Variants in LMLN observed in about 807,000 individuals in gnomAD.
The protein encoded by LMLN is leishmanolysin like peptidase, also known as leishmanolysin-like peptidase.
A neutral mutation model predicts 92.3 loss-of-function variants in LMLN; 70 were observed. That is an observed-to-expected ratio of 0.76 (90% CI 0.63 to 0.92). The LOEUF (loss-of-function observed/expected upper bound fraction) is 0.92, where lower values mean the gene tolerates loss of function less well. Ranked by LOEUF, LMLN falls within the 40% of genes least tolerant of loss-of-function variation. The pLI is 0.00. For synonymous variants in LMLN, 308 were observed against 296.2 expected (o/e 1.04, Z -0.41); for missense variants, 691 against 814.6 (o/e 0.85, Z 1.85).
intron 1 of LMLN, among the ~76,000 whole-genome samples, chr3:197,968,980 A>G (rs1430001393): frequency 1.3e-5 from 2 of 152,210 alleles, no homozygotes; most frequent in African/African-American, 4.8e-5. Context: ...ATTTATGGAC[A>G]TGAAGTTTTT....
At chr3:198,002,878 C>T in intron 11 of LMLN, 137 bp from the exon 12 acceptor site, 1 of 568,012 alleles carries the variant, frequency 1.8e-6, no homozygotes, top group South Asian at 2.4e-5. Context: ...TGAGTGATCA[C>T]TTACAGTGAT....
chr3:198,001,007 A>T (rs1014309975), intron 11 of LMLN, among the ~76,000 whole-genome samples: 2 of 152,114 alleles, frequency 1.3e-5, no homozygotes, highest in African/African-American at 4.8e-5. Flanking sequence ...ACTCACTAAT[A>T]CTCAGAAACT....
At chr3:197,980,271 C>A in intron 5 of LMLN, 55 bp from the exon 6 acceptor site, 1 of 1,425,922 alleles carries the variant, frequency 7.0e-7, no homozygotes, top group Non-Finnish European at 9.7e-7. Context: ...GATTAAATGC[C>A]ACTACAGCTA....
chr3:197,989,266 A>G (rs1721800439), intron 8 of LMLN, among the ~76,000 whole-genome samples: 1 of 152,174 alleles, frequency 6.6e-6, no homozygotes, highest in African/African-American at 2.4e-5. Flanking sequence ...TGCTTTCTGC[A>G]TTGCTATAAA....
exon 10 of LMLN, chr3:197,996,246 C>A (rs776559886): frequency 8.7e-6 from 14 of 1,603,820 alleles, no homozygotes; most frequent in African/African-American, 1.3e-5. Flanking sequence ...GTGGTGTGGG[C>A]ACTGAGCTCA....
chr3:197,989,050 T>G (rs1437913265), intron 8 of LMLN, among the ~76,000 whole-genome samples: 1 of 152,204 alleles, frequency 6.6e-6, no homozygotes, highest in Non-Finnish European at 1.5e-5. Flanking sequence ...ACTATGTCTC[T>G]TGTAGATATA....
chr3:197,990,038 CTTATTTTATTTTATT>C (rs201995486), intron 8 of LMLN, among the ~76,000 whole-genome samples: 3 of 151,588 alleles, frequency 2.0e-5, no homozygotes, highest in Admixed American at 6.6e-5. Context: ...CCATGCCTGG[CTTATTTTATTTTATT>C]TTATTTTATT....
intron 11 of LMLN, among the ~76,000 whole-genome samples, chr3:198,018,847 G>A (rs920510675): frequency 6.6e-6 from 1 of 152,138 alleles, no homozygotes; most frequent in Non-Finnish European, 1.5e-5. Context: ...TTACAGGTTT[G>A]TTTGAAGGTT....
intron 8 of LMLN, among the ~76,000 whole-genome samples, chr3:197,987,260 C>T (rs1478094619): frequency 2.0e-5 from 3 of 151,012 alleles, no homozygotes; most frequent in African/African-American, 4.9e-5. Context: ...CCTGGGTTCA[C>T]GCCATTCTTC....
chr3:198,040,549 T>C (rs1254668764), exon 16 of LMLN: 1 of 150,634 alleles, frequency 6.6e-6, no homozygotes, highest in Non-Finnish European at 1.5e-5. Context: ...TCCATGGCAT[T>C]GTAACCACAA....
At chr3:198,016,362 A>C (rs1412131323) in intron 11 of LMLN, among the ~76,000 whole-genome samples, 2 of 152,116 alleles carry the variant, frequency 1.3e-5, no homozygotes, top group East Asian at 3.9e-4. Context: ...ACCGGCAACC[A>C]CTCTGGGTGT....
At chr3:198,033,038 G>T (rs1288897011) in intron 14 of LMLN, among the ~76,000 whole-genome samples, 1 of 152,146 alleles carries the variant, frequency 6.6e-6, no homozygotes, top group Non-Finnish European at 1.5e-5. Context: ...TTTTGATCCA[G>T]CTTTCCTGAG....
intron 8 of LMLN, among the ~76,000 whole-genome samples, chr3:197,989,945 G>A (rs915401876): frequency 6.6e-6 from 1 of 152,224 alleles, no homozygotes; most frequent in Admixed American, 6.5e-5. Flanking sequence ...TGTGAACATA[G>A]CTCACTGCAG....
chr3:197,990,570 A>G (rs1386663575), exon 9 of LMLN: 24 of 1,473,936 alleles, frequency 1.6e-5, no homozygotes. Context: ...CTGGGATTAT[A>G]TCAATGGAGT....
At chr3:198,014,313 C>T (rs571429317) in intron 11 of LMLN, among the ~76,000 whole-genome samples, 15 of 117,910 alleles carry the variant, frequency 1.3e-4, no homozygotes, top group East Asian at 5.5e-4. Flanking sequence ...GACTTCTCTC[C>T]ACCCTTCAGA....
chr3:197,968,311 A>T (rs867828012), intron 1 of LMLN, among the ~76,000 whole-genome samples: 4 of 152,084 alleles, frequency 2.6e-5, no homozygotes, highest in Non-Finnish European at 4.4e-5. Context: ...CTAAAAATAA[A>T]AAAAAAAAAT....
At chr3:197,987,158 A>ATTTTTT (rs772089146) in intron 8 of LMLN, among the ~76,000 whole-genome samples, 3 of 77,604 alleles carry the variant, frequency 3.9e-5, no homozygotes, top group African/African-American at 5.0e-5. Context: ...ATATGTTTGA[A>ATTTTTT]TTTTTTTTTT....
rs1366392604 is a variant in LMLN at position 198,025,262 on chromosome 3, C to G, written c.1656+474C>G. 7.5e-6 allele frequency among the ~76,000 whole-genome samples: 1 copy of G among 134,016 alleles called. No individual in the cohort carries two copies. Among genetic ancestry groups the G allele is most frequent in the Non-Finnish European group, 1.6e-5 (1 of 63,670 alleles). 87.9% of individuals were successfully genotyped at this position (134,016 alleles called of 152,430 possible). A position where few individuals can be genotyped will look rare whatever the true frequency, so the allele number is the denominator to read the frequency against. On this transcript the variant is annotated intron_variant, in intron 14 of 15. Transcript: ENST00000330198. The surrounding 1 kb of genome is among the most constrained non-coding windows in gnomAD (Gnocchi z 4.3). ...CCATCCTAGGCAACAAAGCGAGACC[C>G]TGTCTCCAAAAAATAAAGGAAAAAG... is the stretch of plus-strand genomic sequence containing the variant.
At chr3:197,968,427 G>A (rs1721123139) in intron 1 of LMLN, among the ~76,000 whole-genome samples, 1 of 151,802 alleles carries the variant, frequency 6.6e-6, no homozygotes, top group Admixed American at 6.6e-5. Context: ...CTGTACTCCA[G>A]CCTGGGTAAC....
Sources: gnomAD v4.1 joint callset for allele counts (sites outside exome capture counted in the v4.1 genomes callset) on GRCh38, gnomAD v4.1.1 for gene constraint, Gnocchi (gnomAD v3.1) non-coding constraint, MANE v1.5 for transcripts, NCBI Gene and HGNC (gene_info 2026-07-23, HGNC 2026-07-21) for gene names.